PCDH11X: variants seen among roughly 807,000 people sequenced by gnomAD.
PCDH11X encodes the protein protocadherin 11 X-linked, also known as protocadherin-11 X-linked.
PCDH11X carries 18 observed loss-of-function variants against 53.3 expected under a neutral mutation model. The observed-to-expected ratio is 0.34, with a 90% CI of 0.23 to 0.50. The LOEUF (loss-of-function observed/expected upper bound fraction) is 0.50, where lower values mean the gene tolerates loss of function less well. PCDH11X is among the 20% of genes least tolerant of loss of function. The pLI, the probability that PCDH11X is intolerant of heterozygous loss-of-function variation, is 0.98. For missense variants in PCDH11X, 570 were observed against 1,032.4 expected, an observed-to-expected ratio of 0.55 and a Z score of 6.14; for synonymous variants, 279 against 393.3, an observed-to-expected ratio of 0.71 and a Z score of 3.44.
intron 6 of PCDH11X, among the ~76,000 whole-genome samples, chrX:92,130,298 C>G (rs1569374535): frequency 9.0e-6 from 1 of 110,734 alleles, no homozygotes; most frequent in Non-Finnish European, 1.9e-5. Context: ...CATGTTTTAG[C>G]ATGTTTCTAC....
At chrX:92,412,540 T>TAG (rs1569482943) in intron 9 of PCDH11X, among the ~76,000 whole-genome samples, 81 of 88,067 alleles carry the variant, frequency 9.2e-4, no homozygotes, top group African/African-American at 2.8e-3. Context: ...TATATATATA[T>TAG]ATATATATAT....
intron 7 of PCDH11X, among the ~76,000 whole-genome samples, chrX:92,230,494 TATATA>T (rs2067052833): frequency 1.1e-5 from 1 of 92,827 alleles, no homozygotes; most frequent in Non-Finnish European, 2.1e-5. Flanking sequence ...ATAAAATACA[TATATA>T]ATATCTATAA....
chrX:92,034,397 T>A (rs925179636), intron 6 of PCDH11X, among the ~76,000 whole-genome samples: 2 of 96,327 alleles, frequency 2.1e-5, no homozygotes, highest in Non-Finnish European at 4.1e-5. Context: ...ACTCTAATAT[T>A]TTTTTATATA....
intron 7 of PCDH11X, among the ~76,000 whole-genome samples, chrX:92,233,554 A>T (rs1322456775): frequency 9.8e-5 from 11 of 111,824 alleles, no homozygotes; most frequent in Non-Finnish European, 3.8e-5. Flanking sequence ...TTATACTGTG[A>T]TTTATTGTGT....
At chrX:92,279,840 A>G (rs1023599395) in intron 8 of PCDH11X, among the ~76,000 whole-genome samples, 2 of 112,261 alleles carry the variant, frequency 1.8e-5, no homozygotes, top group African/African-American at 6.5e-5. Flanking sequence ...ATTTAGGATA[A>G]CAAATAAAAA....
intron 9 of PCDH11X, chrX:92,460,186 C>T (rs752840964): frequency 1.7e-5 from 16 of 921,428 alleles, no homozygotes; most frequent in African/African-American, 1.5e-4. Flanking sequence ...GCTGGCGATG[C>T]GCCAGTCTGT....
At chrX:91,908,653 G>T (rs1941269301) in intron 6 of PCDH11X, among the ~76,000 whole-genome samples, 1 of 108,302 alleles carries the variant, frequency 9.2e-6, no homozygotes, top group South Asian at 4.1e-4. Context: ...AAAATACACA[G>T]ATTAGCTGGG....
intron 6 of PCDH11X, among the ~76,000 whole-genome samples, chrX:91,958,373 A>G (rs4893294): frequency 0.2 from 21,923 of 110,835 alleles, 2,249 homozygotes; most frequent in Admixed American, 0.47. Flanking sequence ...TCCCAAGGCC[A>G]GAGCATGTAA....
At chrX:91,895,223 A>G (rs1191400492) in intron 6 of PCDH11X, among the ~76,000 whole-genome samples, 1 of 111,612 alleles carries the variant, frequency 9.0e-6, no homozygotes, top group African/African-American at 3.3e-5. Flanking sequence ...TACTCATCAC[A>G]ATGTCTATAT....
chrX:92,604,690 G>T (rs907058123), intron 10 of PCDH11X, among the ~76,000 whole-genome samples: 10 of 110,688 alleles, frequency 9.0e-5, no homozygotes. Context: ...CTGAATATAT[G>T]CCTACAGTAT....
intron 6 of PCDH11X, among the ~76,000 whole-genome samples, chrX:92,004,277 T>C (rs894726076): frequency 3.6e-5 from 4 of 112,007 alleles, no homozygotes; most frequent in Non-Finnish European, 7.5e-5. Flanking sequence ...TTGAATGTCT[T>C]AAGACATATT....
Position 91,877,628 on chromosome X carries a change from C to G in PCDH11X, c.1388C>G (p.Ala463Gly). The G allele has an allele frequency of 8.3e-7, 1 of 1,210,278 alleles. No individual in the cohort carries two copies. Among genetic ancestry groups the G allele is most frequent in the Non-Finnish European group, 1.1e-6 (1 of 895,104 alleles). The change falls in exon 6 of 11, where the codon GCT (alanine) becomes GGT (glycine). Residue 463 changes from alanine (A) to glycine (G), a missense_variant. Transcript: ENST00000682573. ...FIKVKDENDN[A>G]PVFTQSFVTV... is the part of the protein sequence containing the mutation. ...AAAGTGAAAGATGAAAATGACAATG[C>G]TCCAGTTTTCACCCAGTCTTTCGTA...
intron 6 of PCDH11X, among the ~76,000 whole-genome samples, chrX:92,043,013 G>A (rs2063233889): frequency 9.1e-6 from 1 of 109,474 alleles, no homozygotes; most frequent in African/African-American, 3.3e-5. Flanking sequence ...AAAAATAGCT[G>A]TGCATTTTCG....
At chrX:92,119,001 A>G (rs1392473811) in intron 6 of PCDH11X, among the ~76,000 whole-genome samples, 3 of 110,268 alleles carry the variant, frequency 2.7e-5, no homozygotes, top group Non-Finnish European at 3.8e-5. Flanking sequence ...TCAGCCTCCC[A>G]AAGTGCTGGG....
rs189357108 is a variant in PCDH11X at position 92,403,253 on chromosome X, T to C, written c.3343+15320T>C. Among the ~76,000 whole-genome samples, 392 of 109,283 alleles carry C rather than the reference T, an allele frequency of 3.6e-3. 6 individuals are homozygous for C. The highest frequency in any genetic ancestry group is 0.012 in the African/African-American group (372 of 30,107). 94.9% of individuals were successfully genotyped at this position (109,283 alleles called of 115,157 possible). A position where few individuals can be genotyped will look rare whatever the true frequency, so the allele number is the denominator to read the frequency against. On this transcript the variant is annotated intron_variant, in intron 9 of 10. Transcript: ENST00000682573. ...TATTTTGTTTCAAAACATCATGAGTTGTTTCATGTGTCATTACTGTGTGTT... is the reference window on the plus strand; with the variant it reads ...TATTTTGTTTCAAAACATCATGAGTCGTTTCATGTGTCATTACTGTGTGTT...
chrX:92,148,526 T>G (rs2065370956), intron 6 of PCDH11X, among the ~76,000 whole-genome samples: 1 of 107,813 alleles, frequency 9.3e-6, no homozygotes, highest in African/African-American at 3.3e-5. Context: ...TGCGTCGGCC[T>G]GAATTTCTTT....
chrX:91,805,631 C>T (rs1474393639), intron 1 of PCDH11X, among the ~76,000 whole-genome samples: 1 of 106,809 alleles, frequency 9.4e-6, no homozygotes, highest in African/African-American at 3.5e-5. Context: ...GCCTGGGGAA[C>T]ATAGTGAGAC....
intron 8 of PCDH11X, among the ~76,000 whole-genome samples, chrX:92,306,783 T>TAC (rs765819130): frequency 4.5e-5 from 5 of 110,260 alleles, no homozygotes; most frequent in East Asian, 2.9e-4. Context: ...CTACTAAAAA[T>TAC]ACACACACAC....
Position 92,286,522 on chromosome X carries a change from A to T in PCDH11X, c.3144+23379A>T, listed in dbSNP as rs188390207. On this transcript the variant is annotated intron_variant, in intron 8 of 10. Coordinates refer to ENST00000682573, the MANE Select transcript of PCDH11X (RefSeq NM_032968.5). ...ACAAAGAAAGTGAAAATAAAATAAG[A>T]TAAACAAAAGGAAAATCAAATAAAT... Among the ~76,000 whole-genome samples the T allele has an allele frequency of 3.2e-3, 348 of 107,359 alleles. 2 individuals are homozygous for T. The highest frequency in any genetic ancestry group is 6.4e-3 in the Admixed American group (64 of 9,934). The allele number at this position is 107,359 out of a possible 115,157, so 93.2% of individuals were successfully genotyped here.
Sources: gnomAD v4.1 joint callset for allele counts (sites outside exome capture counted in the v4.1 genomes callset) on GRCh38, gnomAD v4.1.1 for gene constraint, MANE v1.5 for transcripts, NCBI Gene and HGNC (gene_info 2026-07-23, HGNC 2026-07-21) for gene names.